AFM: variants seen among roughly 807,000 people sequenced by gnomAD.
AFM encodes the protein alpha-Alb.
A neutral mutation model predicts 68.7 loss-of-function variants in AFM; 82 were observed. The observed-to-expected ratio is 1.19, with a 90% confidence interval of 1.00 to 1.43. AFM has a LOEUF of 1.43. AFM is among the 40% of genes most tolerant of loss of function. The pLI, the probability that AFM is intolerant of heterozygous loss-of-function variation, is 0.00. For synonymous variants in AFM, 250 were observed against 234.2 expected, an observed-to-expected ratio of 1.07 and a Z score of -0.61; for missense variants, 772 against 701.8, an observed-to-expected ratio of 1.10 and a Z score of -1.13.
chr4:73,495,107 A>C, intron 8 of AFM, 193 bp from the exon 9 acceptor site: 1 of 410,394 alleles, frequency 2.4e-6, no homozygotes, highest in Non-Finnish European at 4.3e-6. Context: ...TCTAAAACGT[A>C]CCATGGAAGA....
chr4:73,500,157 C>T lies in AFM; in HGVS notation c.1576C>T (p.Gln526Ter), dbSNP rs746265593. 13 of 1,613,808 alleles carry T rather than the reference C, an allele frequency of 8.1e-6. No individual in the cohort carries two copies. The highest frequency in any genetic ancestry group is 4.5e-5 in the East Asian group (2 of 44,858). Residue 526 changes from glutamine (Q) to a stop codon, truncating the protein, a stop_gained, in exon 12 of 15, where the codon CAA becomes TAA. Transcript: ENST00000226355. LOFTEE classifies it high-confidence loss of function. ...DKTYVPPPFS[Q>*]DLFTFHADMC... is the part of the protein sequence containing the mutation. ...AACATATGTGCCTCCACCTTTCTCT[C>T]AAGATTTATTTACCTTTCACGCAGA...
At chr4:73,503,330 C>T (rs532216808) in intron 14 of AFM, among the ~76,000 whole-genome samples, 2 of 152,222 alleles carry the variant, frequency 1.3e-5, no homozygotes, top group Admixed American at 6.6e-5. Flanking sequence ...CCTTCTCTTG[C>T]TGTTCAATCA....
Position 73,491,122 on chromosome 4 carries a change from T to C in AFM, c.844-750T>C, listed in dbSNP as rs1022525038. On this transcript the variant is annotated intron_variant, in intron 7 of 14. Transcript: ENST00000226355. Reference sequence around the variant, plus strand: ...TAATGTGCAGTCTCATTCTAGAGTCTGGAAGGGCCCAGAACAGTTTTTAAA... The same window carrying C: ...TAATGTGCAGTCTCATTCTAGAGTCCGGAAGGGCCCAGAACAGTTTTTAAA... Among the ~76,000 whole-genome samples, 7 of 152,318 alleles carry C rather than the reference T, an allele frequency of 4.6e-5. No individual in the cohort carries two copies. In the East Asian group the frequency reaches 1.3e-3, roughly 29 times the overall value.
At chr4:73,486,870 A>AGCCT in intron 4 of AFM, 97 bp from the exon 5 acceptor site, 1 of 1,110,448 alleles carries the variant, frequency 9.0e-7, no homozygotes, top group Non-Finnish European at 1.3e-6. Flanking sequence ...TTCCCATCTT[A>AGCCT]CCCTCCCTTC....
intron 10 of AFM, among the ~76,000 whole-genome samples, 194 bp from the exon 11 acceptor site, chr4:73,498,920 A>G (rs1265427869): frequency 6.6e-6 from 1 of 152,164 alleles, no homozygotes; most frequent in Non-Finnish European, 1.5e-5. Flanking sequence ...AAAGGAAGCT[A>G]AAATAGATAT....
chr4:73,495,370 T>A lies in AFM; in HGVS notation c.1129T>A (p.Tyr377Asn), dbSNP rs756891996. The change falls in exon 9 of 15, where the codon TAC becomes AAC. Residue 377 changes from tyrosine to asparagine, a missense_variant. By Grantham distance (143) the Tyr-to-Asn change is moderately radical. Transcript: ENST00000226355. ...AGAGCTTTTAAGAATTGTTCAAATATACAAAGATCTCCTGAGAAATTGCTG... is the reference window on the plus strand; with the variant it reads ...AGAGCTTTTAAGAATTGTTCAAATAAACAAAGATCTCCTGAGAAATTGCTG... ...IPELLRIVQIYKDLLRNCCNT... is the reference protein window; with the variant it reads ...IPELLRIVQINKDLLRNCCNT... 1 of 1,613,368 alleles carries A rather than the reference T, an allele frequency of 6.2e-7. No homozygotes were observed. The highest frequency in any genetic ancestry group is 1.1e-5 in the South Asian group (1 of 90,968).
chr4:73,496,812 TAGAG>T (rs1438947332), intron 9 of AFM, among the ~76,000 whole-genome samples: 1 of 152,222 alleles, frequency 6.6e-6, no homozygotes, highest in African/African-American at 2.4e-5. Context: ...GAATACATAT[TAGAG>T]AAATTAATAA....
chr4:73,502,204 A>G (rs1270406164), intron 13 of AFM, among the ~76,000 whole-genome samples: 3 of 152,174 alleles, frequency 2.0e-5, no homozygotes, highest in Admixed American at 2.0e-4. Flanking sequence ...TGAGGATGGT[A>G]ATAATTATCC....
chr4:73,494,159 C>T (rs1161154232), intron 8 of AFM, among the ~76,000 whole-genome samples: 5 of 151,552 alleles, frequency 3.3e-5, no homozygotes. Flanking sequence ...ATTCTCTGAA[C>T]GTTAAGCACT....
At chr4:73,503,506 C>T (rs968657509) in intron 14 of AFM, among the ~76,000 whole-genome samples, 19 of 152,076 alleles carry the variant, frequency 1.2e-4, no homozygotes, top group African/African-American at 4.6e-4. Context: ...TGACCCTTTC[C>T]AATAATCTTT....
At chr4:73,485,229 T>G (rs1397912786) in intron 3 of AFM, among the ~76,000 whole-genome samples, 1 of 152,164 alleles carries the variant, frequency 6.6e-6, no homozygotes, top group Non-Finnish European at 1.5e-5. Flanking sequence ...ACACTACTTC[T>G]AAACACTCTA....
In AFM at chr4:73,499,188, T is replaced by A. The variant is rs200612403; in HGVS notation, c.1364T>A (p.Val455Glu). ...CTGGTGTCTCTTGGCGAGAAAATGG[T>A]GACAGCTTTCACTACTTGCTGTACG... ...EELVSLGEKMVTAFTTCCTLS... is the reference protein window; with the variant it reads ...EELVSLGEKMETAFTTCCTLS... Residue 455 changes from valine to glutamate, a missense_variant, in exon 11 of 15, where the codon GTG (valine) becomes GAG (glutamate). Val to Glu is a moderately radical substitution (Grantham distance 121). Coordinates refer to ENST00000226355, the MANE Select transcript of AFM (RefSeq NM_001133.2). 2.1e-4 allele frequency: 338 copies of A among 1,613,130 alleles called. 2 individuals are homozygous for A. In the East Asian group the frequency reaches 7.0e-3, roughly 34 times the overall value.
At chr4:73,490,520 C>T (rs143154182) in intron 7 of AFM, among the ~76,000 whole-genome samples, 18 of 152,146 alleles carry the variant, frequency 1.2e-4, no homozygotes, top group African/African-American at 3.4e-4. Flanking sequence ...CCTGGGTTCA[C>T]GCCATTCTCC....
chr4:73,487,220 C>T (rs955274791), intron 5 of AFM, 121 bp downstream of exon 5: 2 of 1,073,398 alleles, frequency 1.9e-6, no homozygotes, highest in Non-Finnish European at 1.3e-6. Flanking sequence ...TTGTCACATT[C>T]AGTGATTTTC....
Position 73,485,850 on chromosome 4 carries a change from T to C in AFM, c.271-12T>C. On this transcript the variant is annotated splice_polypyrimidine_tract_variant and intron_variant, in intron 3 of 14. Transcript: ENST00000226355. ...ATGACTAAAAATTGTCCTTTTCTTC[T>C]CTGTTGTATAGAATAATGTTTTACA... 3 of 1,609,984 alleles carry C rather than the reference T, an allele frequency of 1.9e-6. No individual in the cohort carries two copies. Among genetic ancestry groups the C allele is most frequent in the Non-Finnish European group, 2.5e-6 (3 of 1,176,686 alleles).
At chr4:73,502,946 T>C in intron 13 of AFM, 104 bp from the exon 14 acceptor site, 1 of 1,068,682 alleles carries the variant, frequency 9.4e-7, no homozygotes, top group Admixed American at 1.9e-5. Flanking sequence ...AACGTGGGAA[T>C]GATTTAATTT....
Position 73,481,851 on chromosome 4 carries a change from C to T in AFM, c.76C>T (p.Pro26Ser), listed in dbSNP as rs374579053. The change falls in exon 1 of 15, where the codon CCT becomes TCT. Residue 26 changes from proline to serine, a missense_variant. Coordinates refer to ENST00000226355, the MANE Select transcript of AFM (RefSeq NM_001133.2). ...TGAATCCCTAACCCTGCCCACACAA[C>T]CTCGGGATATAGGTAAGAAATTTAC... is the stretch of plus-strand genomic sequence containing the variant. The part of the protein sequence containing the change: ...LTESLTLPTQ[P>S]RDIENFNSTQ... 273 of 1,600,268 alleles carry T rather than the reference C, an allele frequency of 1.7e-4. 1 individual carries two copies. The highest frequency in any genetic ancestry group is 1.6e-3 in the South Asian group (144 of 88,760).
Position 73,500,096 on chromosome 4 carries a change from C to CTTCT in AFM, c.1515_1516insTTCT (p.Arg506PhefsTer2). On this transcript the variant is annotated frameshift_variant, in exon 12 of 15. Coordinates refer to ENST00000226355, the MANE Select transcript of AFM (RefSeq NM_001133.2). LOFTEE classifies it high-confidence loss of function. ...ACTGCTGTAAAACAAACTTTGCCTT[C>CTTCT]AGAAGGCCCTGCTTTGAGAGTTTGA... 1.9e-6 allele frequency: 3 copies of CTTCT among 1,614,078 alleles called. No individual in the cohort carries two copies. The African/African-American group carries it at 4.0e-5, about 22-fold the overall frequency.
At chr4:73,495,521 G>A (rs1473880242) in intron 9 of AFM, 89 bp downstream of exon 9, 7 of 1,523,946 alleles carry the variant, frequency 4.6e-6, no homozygotes, top group Non-Finnish European at 5.3e-6. Flanking sequence ...CTGCAGTCTG[G>A]GGGTAGAAAA....
Sources: allele counts gnomAD v4.1 joint callset (sites outside exome capture counted in the v4.1 genomes callset), GRCh38; gene constraint gnomAD v4.1.1; transcripts MANE v1.5; gene names NCBI Gene and HGNC (gene_info 2026-07-23, HGNC 2026-07-21).